The following TTLL11 variants were observed in gnomAD, a reference collection of about 807,000 sequenced individuals.
The protein encoded by TTLL11 is tubulin tyrosine ligase like 11.
TTLL11 carries 42 observed loss-of-function variants against 51.7 expected under a neutral mutation model. The ratio of observed to expected loss-of-function variants is 0.81; its 90% CI spans 0.64 to 1.05. The LOEUF (loss-of-function observed/expected upper bound fraction) is 1.05, where lower values mean the gene tolerates loss of function less well. TTLL11 is among the 50% of genes least tolerant of loss of function. The pLI is 0.00. For synonymous variants in TTLL11, 381 were observed against 383.5 expected, an observed-to-expected ratio of 0.99 and a Z score of 0.08; for missense variants, 799 against 940.4, an observed-to-expected ratio of 0.85 and a Z score of 1.97.
At chr9:121,894,151 G>T (rs768934776) in intron 6 of TTLL11, among the ~76,000 whole-genome samples, 2 of 152,180 alleles carry the variant, frequency 1.3e-5, no homozygotes, top group African/African-American at 2.4e-5. Flanking sequence ...TAAAATAAAT[G>T]AGACAGTGTC....
intron 6 of TTLL11, among the ~76,000 whole-genome samples, chr9:121,891,197 G>A (rs1839218623): frequency 6.6e-6 from 1 of 152,200 alleles, no homozygotes; most frequent in Non-Finnish European, 1.5e-5. Flanking sequence ...TGCTCACACT[G>A]GGATTCTAAG....
chr9:121,908,232 G>T (rs1176561258), intron 6 of TTLL11, among the ~76,000 whole-genome samples: 1 of 152,202 alleles, frequency 6.6e-6, no homozygotes, highest in Non-Finnish European at 1.5e-5. Context: ...CTGGAAGGCT[G>T]AGGGAATCCC....
At chr9:122,008,747 G>A (rs1843721645) in intron 3 of TTLL11, among the ~76,000 whole-genome samples, 1 of 152,240 alleles carries the variant, frequency 6.6e-6, no homozygotes, top group Admixed American at 6.5e-5. Context: ...CCGCACTCCC[G>A]TGCTTATTGC....
intron 6 of TTLL11, among the ~76,000 whole-genome samples, chr9:121,934,182 G>T (rs1164840924): frequency 6.6e-6 from 1 of 151,934 alleles, no homozygotes; most frequent in African/African-American, 2.4e-5. Flanking sequence ...ATGGTGAGCC[G>T]AGATTGCACC....
chr9:121,845,129 AAAT>A (rs1255213353), intron 8 of TTLL11, among the ~76,000 whole-genome samples: 1 of 152,182 alleles, frequency 6.6e-6, no homozygotes, highest in Admixed American at 6.5e-5. Context: ...CAGAGAGGAA[AAAT>A]AATACCTTAC....
In TTLL11 at chr9:121,826,184, CTATA is replaced by C. The variant is rs1166211047; in HGVS notation, c.1841-3309_1841-3306del. Among the ~76,000 whole-genome samples, 29 of 51,120 alleles carry C rather than the reference CTATA, an allele frequency of 5.7e-4. 1 individual carries two copies. Among genetic ancestry groups the C allele is most frequent in the Non-Finnish European group, 7.9e-4 (24 of 30,514 alleles). 33.5% of individuals were successfully genotyped at this position (51,120 alleles called of 152,430 possible). A position where few individuals can be genotyped will look rare whatever the true frequency, so the allele number is the denominator to read the frequency against. ...TATATATATATATATAACCAGTAAC[CTATA>C]TATATATATATATATATATATATAT... On this transcript the variant is annotated intron_variant, in intron 8 of 8. Transcript: ENST00000321582.
At position 122,090,143 on chromosome 9, in the gene TTLL11, C is replaced by T. The variant is rs568665999; in HGVS notation, c.462+2544G>A. On this transcript the variant is annotated intron_variant, in intron 1 of 8. Coordinates refer to ENST00000321582, the MANE Select transcript of TTLL11 (RefSeq NM_001139442.2). ...ATCAACATTACCATTATGCGGCTAC[C>T]GAAGTAGAGAGTAGATCAACATTAC... is the stretch of plus-strand genomic sequence containing the variant. Among the ~76,000 whole-genome samples, 114 of 139,274 alleles carry T rather than the reference C, an allele frequency of 8.2e-4. 1 individual carries two copies. Among genetic ancestry groups the T allele is most frequent in the Admixed American group, 2.7e-3 (39 of 14,324 alleles). 91.4% of individuals were successfully genotyped at this position (139,274 alleles called of 152,430 possible). A position where few individuals can be genotyped will look rare whatever the true frequency, so the allele number is the denominator to read the frequency against.
intron 6 of TTLL11, among the ~76,000 whole-genome samples, chr9:121,883,544 A>G (rs184715507): frequency 6.6e-6 from 1 of 152,340 alleles, no homozygotes; most frequent in African/African-American, 2.4e-5. Flanking sequence ...GATTTTTTAA[A>G]GAATCTGACT....
intron 7 of TTLL11, among the ~76,000 whole-genome samples, chr9:121,868,371 A>G (rs1192091707): frequency 1.3e-5 from 2 of 152,214 alleles, no homozygotes; most frequent in African/African-American, 2.4e-5. Context: ...ATGCACAGTT[A>G]GAATAATTCT....
chr9:122,066,141 C>T (rs1845575846), intron 1 of TTLL11, among the ~76,000 whole-genome samples: 1 of 151,992 alleles, frequency 6.6e-6, no homozygotes, highest in Non-Finnish European at 1.5e-5. Flanking sequence ...TAGCAGACTA[C>T]AGACTGAAGT....
chr9:122,088,984 T>A (rs1273505765), intron 1 of TTLL11, among the ~76,000 whole-genome samples: 9 of 130,360 alleles, frequency 6.9e-5, no homozygotes, highest in African/African-American at 2.8e-4. Context: ...ACCACTGCAC[T>A]CCAGCCTGGA....
chr9:121,844,742 C>CA (rs1398812105), intron 8 of TTLL11, among the ~76,000 whole-genome samples: 1 of 151,824 alleles, frequency 6.6e-6, no homozygotes, highest in Non-Finnish European at 1.5e-5. Flanking sequence ...TCAATGGGCC[C>CA]ATCAGCAGAT....
chr9:121,938,016 G>A (rs56316537), intron 6 of TTLL11, among the ~76,000 whole-genome samples: 3,286 of 152,248 alleles, frequency 0.022, 50 homozygotes, highest in Non-Finnish European at 0.037. Flanking sequence ...ATGGCCAGGC[G>A]TGGTGGCTCA....
chr9:121,823,974 G>A (rs756285288), intron 8 of TTLL11, among the ~76,000 whole-genome samples: 4 of 152,090 alleles, frequency 2.6e-5, no homozygotes, highest in Non-Finnish European at 5.9e-5. Context: ...TTGCAGCACC[G>A]GCTGCGACTT....
intron 6 of TTLL11, chr9:121,885,085 T>C (rs925962122): frequency 6.6e-6 from 1 of 152,196 alleles, no homozygotes; most frequent in Non-Finnish European, 1.5e-5. Flanking sequence ...CCCACACTCT[T>C]AGTCCTCGTG....
In TTLL11 at chr9:122,092,986, C is replaced by T; in HGVS notation, c.163G>A (p.Ala55Thr). The change falls in exon 1 of 9, where the codon GCA (alanine) becomes ACA (threonine). Residue 55 changes from alanine to threonine, a missense_variant. Coordinates refer to ENST00000321582, the MANE Select transcript of TTLL11 (RefSeq NM_001139442.2). ...AGAAGEPECK[A>T]GEEQPKVLAP... The stretch of plus-strand genomic sequence containing the variant: ...AGGACCTTGGGCTGCTCCTCCCCTG[C>T]CTTGCACTCCGGTTCCCCGGCCGCG... The T allele has an allele frequency of 6.4e-7, 1 of 1,561,898 alleles. No homozygotes were observed. Among genetic ancestry groups the T allele is most frequent in the Non-Finnish European group, 8.6e-7 (1 of 1,163,296 alleles).
Position 121,853,933 on chromosome 9 carries a change from A to G in TTLL11, c.1840+6404T>C, listed in dbSNP as rs1837742139. On this transcript the variant is annotated intron_variant, in intron 8 of 8. Coordinates refer to ENST00000321582, the MANE Select transcript of TTLL11 (RefSeq NM_001139442.2). This position sits in a 1 kb window ranked among gnomAD's most constrained non-coding sequence, Gnocchi z 5.6. ...GCACTTCCCGAGAAAGTAGTGCAGT[A>G]GGAGCAATGGGATCACACTAGGGGC... Among the ~76,000 whole-genome samples, 1 of 152,224 alleles carries G rather than the reference A, an allele frequency of 6.6e-6. No individual in the cohort carries two copies. Among genetic ancestry groups the G allele is most frequent in the Non-Finnish European group, 1.5e-5 (1 of 68,040 alleles).
chr9:122,053,734 G>A (rs1030761829), intron 1 of TTLL11, among the ~76,000 whole-genome samples: 17 of 152,210 alleles, frequency 1.1e-4, no homozygotes, highest in East Asian at 1.9e-4. Context: ...TCATGGCTCC[G>A]CGTGCAAGGA....
In TTLL11 at chr9:121,822,906, G is replaced by A. The variant is rs1230424326; in HGVS notation, c.1841-27C>T. ...TGTGAACAAAGAGACTGGATGAGGG[G>A]GTGCACACAGCTGCCCTACGCTGCC... On this transcript the variant is annotated intron_variant, in intron 8 of 8. Transcript: ENST00000321582. The surrounding 1 kb of genome is among the most constrained non-coding windows in gnomAD (Gnocchi z 5.8). 6.5e-7 allele frequency: 1 copy of A among 1,531,554 alleles called. No homozygotes were observed. The highest frequency in any genetic ancestry group is 1.4e-5 in the African/African-American group (1 of 72,360). 94.9% of individuals were successfully genotyped at this position (1,531,554 alleles called of 1,614,324 possible). A position where few individuals can be genotyped will look rare whatever the true frequency, so the allele number is the denominator to read the frequency against.
Sources: allele counts gnomAD v4.1 joint callset (sites outside exome capture counted in the v4.1 genomes callset), GRCh38; gene constraint gnomAD v4.1.1; non-coding constraint Gnocchi (gnomAD v3.1); transcripts MANE v1.5; gene names NCBI Gene and HGNC (gene_info 2026-07-23, HGNC 2026-07-21).